Variants in SGMS1 observed in about 807,000 individuals in gnomAD.
SGMS1 encodes phosphatidylcholine:ceramide cholinephosphotransferase 1.
In SGMS1, 13 loss-of-function variants were observed where a neutral mutation model predicts 46.2. The observed-to-expected ratio is 0.28, with a 90% CI of 0.18 to 0.45. SGMS1 has a LOEUF of 0.45. Ranked by LOEUF, SGMS1 falls within the 20% of genes least tolerant of loss-of-function variation. The probability of loss-of-function intolerance (pLI) is 1.00; values close to 1 mark genes in which losing one functional copy is unlikely to be tolerated. For synonymous variants in SGMS1, 203 were observed against 187.8 expected (o/e 1.08, Z -0.66); for missense variants, 324 against 519.9 (o/e 0.62, Z 3.66).
chr10:50,610,612 C>A (rs1306917949), intron 1 of SGMS1, among the ~76,000 whole-genome samples: 7 of 152,202 alleles, frequency 4.6e-5, no homozygotes, highest in Non-Finnish European at 1.0e-4. Flanking sequence ...GCCCAGCCAA[C>A]TGCTTGGAAC....
chr10:50,367,482 A>C (rs1293821704), intron 6 of SGMS1, among the ~76,000 whole-genome samples: 1 of 152,120 alleles, frequency 6.6e-6, no homozygotes, highest in African/African-American at 2.4e-5. Context: ...TGACAGCACC[A>C]CTTGCGTGCC....
intron 2 of SGMS1, among the ~76,000 whole-genome samples, chr10:50,547,490 C>T (rs915521010): frequency 2.0e-5 from 3 of 152,024 alleles, no homozygotes; most frequent in Non-Finnish European, 4.4e-5. Context: ...AAAACTTAAC[C>T]AGGAAGAAAT....
chr10:50,478,267 G>C (rs1328784455), intron 3 of SGMS1, among the ~76,000 whole-genome samples: 1 of 152,148 alleles, frequency 6.6e-6, no homozygotes, highest in East Asian at 1.9e-4. Context: ...ACATAACCAA[G>C]AAAGTAAAGG....
At chr10:50,624,205 G>A (rs1181709623), upstream of SGMS1, 63 of 793,498 alleles carry the variant, frequency 7.9e-5, no homozygotes, top group Non-Finnish European at 9.2e-5. Context: ...GGCCCACTAA[G>A]TAAGGCCTAG....
At chr10:50,578,096 A>G (rs1196177349) in intron 2 of SGMS1, among the ~76,000 whole-genome samples, 5 of 152,256 alleles carry the variant, frequency 3.3e-5, no homozygotes, top group Non-Finnish European at 7.3e-5. Flanking sequence ...AGCCTATAGT[A>G]AAAGAACCAC....
intron 1 of SGMS1, among the ~76,000 whole-genome samples, chr10:50,613,320 C>T (rs1336460791): frequency 6.6e-6 from 1 of 152,200 alleles, no homozygotes; most frequent in East Asian, 1.9e-4. Flanking sequence ...GTACTCACTA[C>T]TTGGTGATGA....
intron 6 of SGMS1, among the ~76,000 whole-genome samples, chr10:50,347,971 A>G (rs1490324310): frequency 1.3e-5 from 2 of 152,086 alleles, no homozygotes; most frequent in African/African-American, 4.8e-5. Context: ...TCAATCCATC[A>G]TCTAGGTTTT....
chr10:50,452,728 C>G (rs2133664271), intron 5 of SGMS1, among the ~76,000 whole-genome samples: 1 of 152,210 alleles, frequency 6.6e-6, no homozygotes, highest in Non-Finnish European at 1.5e-5. Context: ...TTAACAGACC[C>G]CTGCGTAAAA....
At chr10:50,562,324 CAA>C (rs1450216054) in intron 2 of SGMS1, among the ~76,000 whole-genome samples, 5 of 144,058 alleles carry the variant, frequency 3.5e-5, no homozygotes, top group Non-Finnish European at 7.7e-5. Context: ...ACATTTCTGA[CAA>C]ACACTCTCTG....
At chr10:50,333,647 G>T (rs1847663019) in intron 7 of SGMS1, among the ~76,000 whole-genome samples, 1 of 152,116 alleles carries the variant, frequency 6.6e-6, no homozygotes. Flanking sequence ...CAGTACTTTA[G>T]GAGAGAAAAT....
intron 2 of SGMS1, among the ~76,000 whole-genome samples, chr10:50,523,344 C>G (rs1397091978): frequency 6.6e-6 from 1 of 152,196 alleles, no homozygotes; most frequent in Non-Finnish European, 1.5e-5. Context: ...TTCAAAGAAA[C>G]TCACTTTCTA....
intron 2 of SGMS1, among the ~76,000 whole-genome samples, chr10:50,550,970 G>A (rs376280154): frequency 3.9e-5 from 6 of 152,266 alleles, no homozygotes; most frequent in Admixed American, 6.5e-5. Flanking sequence ...AAATGGGAGC[G>A]AATATGCAAA....
At chr10:50,365,208 G>A (rs1242659998) in intron 6 of SGMS1, among the ~76,000 whole-genome samples, 3 of 138,462 alleles carry the variant, frequency 2.2e-5, no homozygotes, top group Non-Finnish European at 4.5e-5. Context: ...AGCCGAGGTC[G>A]TGCTACTGCA....
intron 1 of SGMS1, among the ~76,000 whole-genome samples, chr10:50,599,945 G>A (rs1838634195): frequency 6.6e-6 from 1 of 152,186 alleles, no homozygotes; most frequent in Non-Finnish European, 1.5e-5. Context: ...GAAATAGCTT[G>A]AAGTCAACAA....
intron 2 of SGMS1, among the ~76,000 whole-genome samples, chr10:50,536,162 C>CTG (rs1837999866): frequency 6.6e-6 from 1 of 151,924 alleles, no homozygotes; most frequent in Non-Finnish European, 1.5e-5. Context: ...ACCAAGACCC[C>CTG]ATCTCTACCA....
At chr10:50,526,781 G>A (rs1837905202) in intron 2 of SGMS1, among the ~76,000 whole-genome samples, 1 of 151,982 alleles carries the variant, frequency 6.6e-6, no homozygotes, top group Non-Finnish European at 1.5e-5. Flanking sequence ...AAAAAGAACT[G>A]GCTGGCCGGG....
intron 3 of SGMS1, among the ~76,000 whole-genome samples, chr10:50,475,960 G>C (rs1179902081): frequency 6.6e-6 from 1 of 151,684 alleles, no homozygotes; most frequent in Non-Finnish European, 1.5e-5. Context: ...GACTAATACA[G>C]AAAGTAGGGG....
chr10:50,496,535 T>C (rs919947242), intron 3 of SGMS1, among the ~76,000 whole-genome samples: 3 of 152,182 alleles, frequency 2.0e-5, no homozygotes, highest in Non-Finnish European at 4.4e-5. Context: ...TTTGTCCTGT[T>C]CCTCAACAAA....
intron 6 of SGMS1, among the ~76,000 whole-genome samples, chr10:50,372,521 C>A (rs1050283589): frequency 6.6e-6 from 1 of 152,014 alleles, no homozygotes; most frequent in Admixed American, 6.6e-5. Context: ...GGTGAAACGC[C>A]ATCTCTACGA....
Sources: allele counts gnomAD v4.1 joint callset (sites outside exome capture counted in the v4.1 genomes callset), GRCh38; gene constraint gnomAD v4.1.1; transcripts MANE v1.5; gene names NCBI Gene and HGNC (gene_info 2026-07-23, HGNC 2026-07-21).